GBE1: variants seen among roughly 807,000 people sequenced by gnomAD.
The protein encoded by GBE1 is 1,4-alpha-glucan-branching enzyme.
Under a neutral mutation model 88.8 loss-of-function variants are expected in GBE1, and 70 were observed. The observed-to-expected ratio is 0.79, with a 90% CI of 0.65 to 0.96. The LOEUF (loss-of-function observed/expected upper bound fraction) is 0.96. GBE1 is among the 40% of genes least tolerant of loss of function. The probability of loss-of-function intolerance (pLI) is 0.00; values close to 1 mark genes in which losing one functional copy is unlikely to be tolerated. For synonymous variants in GBE1, 284 were observed against 300.1 expected (o/e 0.95, Z 0.56); for missense variants, 872 against 871.0 (o/e 1.00, Z -0.01).
At chr3:81,604,987 C>G (rs1238507136) in intron 7 of GBE1, among the ~76,000 whole-genome samples, 23 of 151,986 alleles carry the variant, frequency 1.5e-4, no homozygotes, top group Non-Finnish European at 2.9e-5. Flanking sequence ...CAAACATATG[C>G]CTCAATTTTT....
chr3:81,626,799 T>C (rs1390819030), intron 7 of GBE1, among the ~76,000 whole-genome samples: 1 of 151,960 alleles, frequency 6.6e-6, no homozygotes, highest in Admixed American at 6.6e-5. Context: ...CTAATACATT[T>C]GAAAAATGAA....
chr3:81,544,476 C>T (rs545776322), intron 12 of GBE1, among the ~76,000 whole-genome samples: 100 of 152,184 alleles, frequency 6.6e-4, no homozygotes, highest in Non-Finnish European at 1.1e-3. Context: ...GCTTGGGACC[C>T]TTTCTAAGAG....
At chr3:81,560,629 G>A (rs548867888) in intron 12 of GBE1, among the ~76,000 whole-genome samples, 15 of 151,980 alleles carry the variant, frequency 9.9e-5, no homozygotes, top group South Asian at 4.1e-4. Flanking sequence ...TCATCTCTGC[G>A]TATTTCAAAA....
chr3:81,644,531 A>G (rs1342317682), intron 6 of GBE1, among the ~76,000 whole-genome samples: 1 of 152,168 alleles, frequency 6.6e-6, no homozygotes, highest in Non-Finnish European at 1.5e-5. Flanking sequence ...GAGCTCTAAG[A>G]GTCAGGCAAG....
intron 7 of GBE1, among the ~76,000 whole-genome samples, chr3:81,634,296 T>C (rs1418896682): frequency 1.3e-5 from 2 of 152,254 alleles, no homozygotes; most frequent in East Asian, 3.8e-4. Context: ...ATAAATAATA[T>C]CATTATGAGT....
intron 12 of GBE1, among the ~76,000 whole-genome samples, chr3:81,564,208 T>C (rs1029540282): frequency 2.6e-5 from 4 of 152,130 alleles, no homozygotes; most frequent in Non-Finnish European, 4.4e-5. Context: ...CATCCTCACA[T>C]GGACATTGCC....
intron 1 of GBE1, among the ~76,000 whole-genome samples, chr3:81,756,935 T>C (rs771059786): frequency 2.0e-5 from 3 of 152,180 alleles, no homozygotes; most frequent in Non-Finnish European, 2.9e-5. Context: ...AAATATTAAA[T>C]ACAGGAAAAG....
chr3:81,650,554 C>T (rs1471236699), intron 3 of GBE1, among the ~76,000 whole-genome samples: 2 of 152,074 alleles, frequency 1.3e-5, no homozygotes, highest in African/African-American at 2.4e-5. Flanking sequence ...TAAAAAATAA[C>T]AAATTTATTT....
At chr3:81,723,362 A>G (rs1025972776) in intron 1 of GBE1, among the ~76,000 whole-genome samples, 22 of 151,702 alleles carry the variant, frequency 1.5e-4, no homozygotes, top group African/African-American at 5.3e-4. Context: ...CAGCCTCCCA[A>G]AGTGCTGGGA....
chr3:81,754,026 T>C (rs1244730788), intron 1 of GBE1, among the ~76,000 whole-genome samples: 2 of 152,194 alleles, frequency 1.3e-5, no homozygotes, highest in East Asian at 3.9e-4. Flanking sequence ...ATTAGCCTTG[T>C]TTGCAGACAA....
intron 7 of GBE1, among the ~76,000 whole-genome samples, chr3:81,610,969 G>A (rs940911983): frequency 2.7e-5 from 4 of 150,768 alleles, no homozygotes; most frequent in Admixed American, 6.6e-5. Flanking sequence ...TTAAATGATT[G>A]ATTTTAAGAT....
intron 1 of GBE1, chr3:81,743,500 C>T: frequency 8.8e-7 from 1 of 1,132,672 alleles, no homozygotes; most frequent in Non-Finnish European, 1.3e-6. Flanking sequence ...TCTTTCCAAC[C>T]CCCCTCTCTT....
At chr3:81,603,434 T>G (rs965315161) in intron 7 of GBE1, among the ~76,000 whole-genome samples, 2 of 152,066 alleles carry the variant, frequency 1.3e-5, no homozygotes, top group African/African-American at 2.4e-5. Flanking sequence ...AAAATCAGTG[T>G]GATAATTTTT....
At chr3:81,613,729 A>C (rs1335288376) in intron 7 of GBE1, among the ~76,000 whole-genome samples, 1 of 152,150 alleles carries the variant, frequency 6.6e-6, no homozygotes, top group Non-Finnish European at 1.5e-5. Flanking sequence ...TCCCCTAATG[A>C]TGGCTTGGGC....
In GBE1 at chr3:81,553,489, C is replaced by T. The variant is rs148783479; in HGVS notation, c.1619-16394G>A. On this transcript the variant is annotated intron_variant, in intron 12 of 15. Coordinates refer to ENST00000429644, the MANE Select transcript of GBE1 (RefSeq NM_000158.4). ...TACTACAGCAAGCATTCAGTATACA[C>T]TCAAAGATTTATTAAATAAATGTTG... 8.6e-5 allele frequency among the ~76,000 whole-genome samples: 13 copies of T among 151,622 alleles called. No individual in the cohort carries two copies. The East Asian group carries it at 2.5e-3, about 29-fold the overall frequency.
At chr3:81,529,293 A>G (rs1034743228) in intron 14 of GBE1, among the ~76,000 whole-genome samples, 2 of 151,962 alleles carry the variant, frequency 1.3e-5, no homozygotes, top group South Asian at 4.2e-4. Context: ...GTTTGTATTT[A>G]TATCTTATTA....
chr3:81,729,404 T>C (rs1453347552), intron 1 of GBE1, among the ~76,000 whole-genome samples: 1 of 152,294 alleles, frequency 6.6e-6, no homozygotes, highest in Admixed American at 6.5e-5. Context: ...GAGTGAATTG[T>C]AAGCCCACTC....
intron 2 of GBE1, among the ~76,000 whole-genome samples, chr3:81,703,737 GGAAAA>G (rs996346054): frequency 2.0e-5 from 3 of 151,810 alleles, no homozygotes; most frequent in African/African-American, 4.8e-5. Flanking sequence ...GAAAATATTT[GGAAAA>G]GAAAAGTGGA....
intron 7 of GBE1, among the ~76,000 whole-genome samples, chr3:81,610,312 A>G (rs1349549412): frequency 3.3e-5 from 5 of 152,212 alleles, no homozygotes; most frequent in Non-Finnish European, 7.3e-5. Context: ...GACACTTGCT[A>G]GTCTTTGGCA....
Sources: gnomAD v4.1 joint callset for allele counts (sites outside exome capture counted in the v4.1 genomes callset) on GRCh38, gnomAD v4.1.1 for gene constraint, MANE v1.5 for transcripts, NCBI Gene and HGNC (gene_info 2026-07-23, HGNC 2026-07-21) for gene names.